MFN2: variants seen among roughly 807,000 people sequenced by gnomAD.
MFN2 encodes mitofusin 2, also known as mitofusin-2.
A neutral mutation model predicts 87.5 loss-of-function variants in MFN2; 43 were observed. The observed-to-expected ratio is 0.49, with a 90% CI of 0.38 to 0.63. MFN2 has a LOEUF of 0.63. MFN2 is among the 30% of genes least tolerant of loss of function. The probability of loss-of-function intolerance (pLI) is 0.00; values close to 1 mark genes in which losing one functional copy is unlikely to be tolerated. For missense variants in MFN2, 743 were observed against 972.8 expected (o/e 0.76, Z 3.14); for synonymous variants, 337 against 359.9 (o/e 0.94, Z 0.72).
At chr1:11,998,960 C>T (rs373833521) in intron 7 of MFN2, 28 bp from the exon 8 acceptor site, 2 of 1,613,208 alleles carry the variant, frequency 1.2e-6, no homozygotes, top group African/African-American at 1.3e-5. Flanking sequence ...CAAGCTCCTG[C>T]TCCACCGAGG....
chr1:12,009,592 G>A lies in MFN2; in HGVS notation c.2070G>A (p.Gln690=). 6.2e-7 allele frequency: 1 copy of A among 1,614,202 alleles called. No individual in the cohort carries two copies. The highest frequency in any genetic ancestry group is 8.5e-7 in the Non-Finnish European group (1 of 1,180,038). Residue 690 remains glutamine (Q), a splice_region_variant and synonymous_variant, in exon 18 of 19, where the codon CAG becomes CAA. Transcript: ENST00000235329. ...TGSNCSHQVQ[Q]ELSGTFAHLC... is the part of the protein sequence containing the mutation. The stretch of plus-strand genomic sequence containing the variant: ...TGGGTCCCTTCTCTCTCCTCCCCAG[G>A]GAACTGTCTGGGACCTTTGCTCATC...
At chr1:12,010,731 C>T (rs1232015694) in intron 18 of MFN2, among the ~76,000 whole-genome samples, 1 of 152,192 alleles carries the variant, frequency 6.6e-6, no homozygotes, top group Non-Finnish European at 1.5e-5. Flanking sequence ...TTATTTTCAT[C>T]TGTAAAATGG....
chr1:12,010,468 C>A (rs1639644879), intron 18 of MFN2, among the ~76,000 whole-genome samples: 1 of 152,198 alleles, frequency 6.6e-6, no homozygotes, highest in Non-Finnish European at 1.5e-5. Flanking sequence ...CCAGCAGCCC[C>A]CGCACTCTGA....
intron 4 of MFN2, among the ~76,000 whole-genome samples, chr1:11,994,547 G>A (rs756553589): frequency 4.0e-5 from 6 of 151,770 alleles, no homozygotes; most frequent in South Asian, 2.1e-4. Context: ...TCAAGATCGC[G>A]CCACTGCACT....
chr1:11,988,454 G>A (rs1276589379), intron 2 of MFN2, among the ~76,000 whole-genome samples: 2 of 141,686 alleles, frequency 1.4e-5, no homozygotes, highest in African/African-American at 5.3e-5. Context: ...GCCTAGGCTT[G>A]TCTCGAACTC....
At chr1:12,007,023 T>C in intron 16 of MFN2, 30 bp from the exon 17 acceptor site, 3 of 1,612,378 alleles carry the variant, frequency 1.9e-6, no homozygotes, top group Non-Finnish European at 2.5e-6. Flanking sequence ...ACAGAGAGGC[T>C]GCACTCCAGG....
intron 14 of MFN2, among the ~76,000 whole-genome samples, chr1:12,005,199 A>G (rs1163625488): frequency 6.6e-6 from 1 of 152,206 alleles, no homozygotes; most frequent in Non-Finnish European, 1.5e-5. Context: ...CTTCTGCTCC[A>G]GCGTCCCGAG....
At chr1:12,000,022 G>C (rs1201723086) in intron 8 of MFN2, among the ~76,000 whole-genome samples, 1 of 151,536 alleles carries the variant, frequency 6.6e-6, no homozygotes, top group African/African-American at 2.4e-5. Flanking sequence ...GCGTGAACCC[G>C]GGAGGTGGAG....
At chr1:11,990,922 C>T (rs1033830199) in intron 3 of MFN2, among the ~76,000 whole-genome samples, 1 of 152,178 alleles carries the variant, frequency 6.6e-6, no homozygotes, top group Non-Finnish European at 1.5e-5. Flanking sequence ...TTTCATGGCG[C>T]TGGCTGTGGG....
chr1:11,995,379 T>A (rs1041072828), intron 4 of MFN2, among the ~76,000 whole-genome samples: 1 of 152,156 alleles, frequency 6.6e-6, no homozygotes, highest in African/African-American at 2.4e-5. Context: ...ATGCCTGTAA[T>A]CCCAGCACTT....
chr1:12,011,025 G>A (rs1024311512), intron 18 of MFN2, among the ~76,000 whole-genome samples: 1 of 151,354 alleles, frequency 6.6e-6, no homozygotes, highest in East Asian at 1.9e-4. Flanking sequence ...CTGCGGATGT[G>A]CCCCCCCCGC....
At chr1:12,007,606 G>A (rs904952329) in intron 17 of MFN2, among the ~76,000 whole-genome samples, 2 of 152,100 alleles carry the variant, frequency 1.3e-5, no homozygotes, top group Admixed American at 6.5e-5. Flanking sequence ...CACATCTTAG[G>A]TCAGGTGGGA....
In MFN2 at chr1:12,013,362, G is replaced by A. The variant is rs541702640; in HGVS notation, c.*1797G>A. The A allele has an allele frequency of 2.1e-6, 1 of 470,796 alleles. No homozygotes were observed. The highest frequency in any genetic ancestry group is 2.4e-5 in the Admixed American group (1 of 42,488). The allele number at this position is 470,796 out of a possible 1,614,324, so 29.2% of individuals were successfully genotyped here. ...AAAGCACTTTAATGCTGCTGACATTGTTGTTTTTATGTTCATTTGCTGGAG... is the reference window on the plus strand; with the variant it reads ...AAAGCACTTTAATGCTGCTGACATTATTGTTTTTATGTTCATTTGCTGGAG... On this transcript the variant is annotated 3_prime_UTR_variant, in exon 19 of 19. Coordinates refer to ENST00000235329, the MANE Select transcript of MFN2 (RefSeq NM_014874.4).
rs779366388 is a variant in MFN2 at position 12,006,565 on chromosome 1, G to A, written c.1744G>A (p.Ala582Thr). The A allele has an allele frequency of 9.9e-6, 16 of 1,614,054 alleles. No homozygotes were observed. The highest frequency in any genetic ancestry group is 9.3e-6 in the Non-Finnish European group (11 of 1,180,048). ...CCAGCGTCCCATCCCTCTGACGCCA[G>A]CCAACCCCAGCATGCCCCCACTGCC... is the stretch of plus-strand genomic sequence containing the variant. ...QVQRPIPLTPANPSMPPLPQG... is the reference protein window; with the variant it reads ...QVQRPIPLTPTNPSMPPLPQG... The change falls in exon 16 of 19, where the codon GCC (alanine) becomes ACC (threonine). Residue 582 changes from alanine to threonine, a missense_variant. This residue lies in a region of MFN2 where 571 missense variants were observed against 670.7 expected (regional missense o/e 0.85). Coordinates refer to ENST00000235329, the MANE Select transcript of MFN2 (RefSeq NM_014874.4).
chr1:11,986,187 T>C (rs1323062266), intron 2 of MFN2, among the ~76,000 whole-genome samples: 1 of 152,254 alleles, frequency 6.6e-6, no homozygotes, highest in South Asian at 2.1e-4. Flanking sequence ...AAGTCCGTTT[T>C]GGCATTTGGT....
At chr1:12,011,474 C>T in intron 18 of MFN2, 22 bp from the exon 19 acceptor site, 10 of 1,613,690 alleles carry the variant, frequency 6.2e-6, no homozygotes, top group Non-Finnish European at 8.5e-6. Context: ...ATCATGGTTA[C>T]AAAAGAACCA....
At position 12,009,779 on chromosome 1, in the gene MFN2, A is replaced by G. The variant is rs961606841; in HGVS notation, c.2204+53A>G. On this transcript the variant is annotated intron_variant, in intron 18 of 18. Transcript: ENST00000235329. ...TAGGGCTCCAGGGTGCAGCCCAGGC[A>G]CACTGGGGCTCAGCTGCTGGGCTTG... 63 of 1,612,804 alleles carry G rather than the reference A, an allele frequency of 3.9e-5. 1 individual carries two copies. The highest frequency in any genetic ancestry group is 1.2e-4 in the South Asian group (11 of 91,054).
intron 15 of MFN2, 34 bp from the exon 16 acceptor site, chr1:12,006,504 G>A (rs530744848): frequency 1.1e-4 from 174 of 1,612,554 alleles, no homozygotes; most frequent in Middle Eastern, 5.0e-4. Flanking sequence ...GACTCAATAC[G>A]TCCCCCTCAC....
At position 12,006,634 on chromosome 1, in the gene MFN2, A is replaced by C. The variant is rs1639430877; in HGVS notation, c.1813A>C (p.Thr605Pro). 6.2e-7 allele frequency: 1 copy of C among 1,613,826 alleles called. No individual in the cohort carries two copies. The highest frequency in any genetic ancestry group is 1.3e-5 in the African/African-American group (1 of 74,928). The change falls in exon 16 of 19, where the codon ACC becomes CCC. Residue 605 changes from threonine (T) to proline (P), a missense_variant. Transcript: ENST00000235329. The stretch of plus-strand genomic sequence containing the variant: ...GGAGGAGTTCATGGTTTCCATGGTT[A>C]CCGGCCTGGCCTCCTTGACATCCAG... ...TQEEFMVSMV[T>P]GLASLTSRTS...
Sources: allele counts gnomAD v4.1 joint callset (sites outside exome capture counted in the v4.1 genomes callset), GRCh38; gene constraint gnomAD v4.1.1; regional missense constraint gnomAD v4.1.1; transcripts MANE v1.5; gene names NCBI Gene and HGNC (gene_info 2026-07-23, HGNC 2026-07-21).